PIEZO2: variants seen among roughly 807,000 people sequenced by gnomAD.
The protein encoded by PIEZO2 is piezo type mechanosensitive ion channel component 2, also known as piezo-type mechanosensitive ion channel component 2.
A neutral mutation model predicts 337.3 loss-of-function variants in PIEZO2; 172 were observed. The ratio of observed to expected loss-of-function variants is 0.51; its 90% CI spans 0.45 to 0.58. PIEZO2 has a LOEUF of 0.58. Among genes scored for constraint, PIEZO2 ranks in the 20% least tolerant of loss-of-function variants. The pLI, the probability that PIEZO2 is intolerant of heterozygous loss-of-function variation, is 0.00. For synonymous variants in PIEZO2, 1,251 were observed against 1,228.5 expected (o/e 1.02, Z -0.38); for missense variants, 3,028 against 3,391.3 (o/e 0.89, Z 2.66).
intron 36 of PIEZO2, among the ~76,000 whole-genome samples, chr18:10,729,719 G>C (rs1001065354): frequency 3.3e-5 from 5 of 151,760 alleles, no homozygotes; most frequent in Non-Finnish European, 7.4e-5. Context: ...AGTAACGACT[G>C]TTACTAATGA....
At chr18:10,762,147 T>TG (rs1463923159) in intron 23 of PIEZO2, among the ~76,000 whole-genome samples, 2 of 152,228 alleles carry the variant, frequency 1.3e-5, no homozygotes, top group Non-Finnish European at 2.9e-5. Context: ...GATCATACTA[T>TG]GCACAGTGTT....
At chr18:10,879,919 T>G (rs902245031) in intron 4 of PIEZO2, among the ~76,000 whole-genome samples, 11 of 152,174 alleles carry the variant, frequency 7.2e-5, no homozygotes, top group African/African-American at 2.7e-4. Context: ...GTGTATATCA[T>G]AATGGTGAAA....
At chr18:10,883,794 C>G (rs1369343513) in intron 4 of PIEZO2, among the ~76,000 whole-genome samples, 2 of 145,784 alleles carry the variant, frequency 1.4e-5, no homozygotes, top group Admixed American at 6.9e-5. Flanking sequence ...ATCAGTTTAC[C>G]CTGTTTCTAT....
rs936811005 is a variant in PIEZO2 at position 10,801,127 on chromosome 18, C to T, written c.1239+263G>A. On this transcript the variant is annotated intron_variant, in intron 10 of 55. Transcript: ENST00000674853. Reference sequence around the variant, plus strand: ...TATGTGCGCCCATGGGCATGCAAAACTTCCTACTTACGAATTAGGCATAGC... The same window carrying T: ...TATGTGCGCCCATGGGCATGCAAAATTTCCTACTTACGAATTAGGCATAGC... 2.0e-5 allele frequency among the ~76,000 whole-genome samples: 3 copies of T among 152,346 alleles called. No individual in the cohort carries two copies. The East Asian group carries it at 5.8e-4, about 29-fold the overall frequency.
chr18:10,864,807 T>TAAA, intron 5 of PIEZO2, among the ~76,000 whole-genome samples: 1 of 151,534 alleles, frequency 6.6e-6, no homozygotes, highest in East Asian at 1.9e-4. Context: ...GAGAAGAACA[T>TAAA]CTGTGCAAGA....
chr18:10,939,227 T>C (rs2032580022), intron 3 of PIEZO2, among the ~76,000 whole-genome samples: 1 of 152,210 alleles, frequency 6.6e-6, no homozygotes, highest in Non-Finnish European at 1.5e-5. Context: ...GCCAATAGAA[T>C]AGCTGGAACT....
At chr18:11,008,970 C>T (rs2035806702) in intron 2 of PIEZO2, among the ~76,000 whole-genome samples, 1 of 152,326 alleles carries the variant, frequency 6.6e-6, no homozygotes, top group Middle Eastern at 3.4e-3. Context: ...ATAGGGGAAA[C>T]AGACGTAGGA....
At chr18:10,744,011 A>C in intron 31 of PIEZO2, 131 bp downstream of exon 31, 2 of 612,216 alleles carry the variant, frequency 3.3e-6, no homozygotes, top group Middle Eastern at 2.6e-4. Flanking sequence ...AGAATAAATA[A>C]ATAGGAAGTT....
At chr18:11,022,069 T>C (rs1396501152) in intron 2 of PIEZO2, among the ~76,000 whole-genome samples, 1 of 152,174 alleles carries the variant, frequency 6.6e-6, no homozygotes, top group Non-Finnish European at 1.5e-5. Flanking sequence ...CTGCCTACTC[T>C]CACTCAAACA....
intron 2 of PIEZO2, among the ~76,000 whole-genome samples, chr18:11,044,976 T>C (rs184784531): frequency 2.9e-4 from 41 of 142,424 alleles, no homozygotes; most frequent in African/African-American, 1.1e-3. Context: ...CACTAAGACC[T>C]CATTTCTAAA....
chr18:11,009,899 G>C lies in PIEZO2; in HGVS notation c.161-30239C>G, dbSNP rs1375284905. On this transcript the variant is annotated intron_variant, in intron 2 of 55. Coordinates refer to ENST00000674853, the MANE Select transcript of PIEZO2 (RefSeq NM_001378183.1). The surrounding 1 kb of genome is among the most constrained non-coding windows in gnomAD (Gnocchi z 4.6). ...GACAGCCATCTGCGAGCCAAAGAGAGAGGCCTCAGGAGAAACCAAGCCTCA... is the reference window on the plus strand; with the variant it reads ...GACAGCCATCTGCGAGCCAAAGAGACAGGCCTCAGGAGAAACCAAGCCTCA... 6.6e-6 allele frequency among the ~76,000 whole-genome samples: 1 copy of C among 152,128 alleles called. No homozygotes were observed. Among genetic ancestry groups the C allele is most frequent in the African/African-American group, 2.4e-5 (1 of 41,434 alleles).
At chr18:11,063,597 C>T (rs369121505) in intron 2 of PIEZO2, among the ~76,000 whole-genome samples, 1 of 152,132 alleles carries the variant, frequency 6.6e-6, no homozygotes, top group Non-Finnish European at 1.5e-5. Context: ...CAGAGGGCCA[C>T]GGAGCCATGC....
intron 7 of PIEZO2, among the ~76,000 whole-genome samples, chr18:10,829,610 T>C (rs2040782714): frequency 2.0e-5 from 3 of 152,024 alleles, no homozygotes; most frequent in Admixed American, 2.0e-4. Flanking sequence ...ACTTACAGAA[T>C]ATAAAAATCA....
At chr18:10,712,053 C>A (rs926355330) in intron 39 of PIEZO2, among the ~76,000 whole-genome samples, 2 of 152,226 alleles carry the variant, frequency 1.3e-5, no homozygotes, top group African/African-American at 4.8e-5. Flanking sequence ...TTCTTTCATC[C>A]TATCATTCTC....
intron 3 of PIEZO2, among the ~76,000 whole-genome samples, chr18:10,951,052 A>C (rs1168158588): frequency 1.3e-5 from 2 of 152,170 alleles, no homozygotes; most frequent in Non-Finnish European, 2.9e-5. Flanking sequence ...CATTGCTCCA[A>C]AAATGTAATT....
Position 10,789,371 on chromosome 18 carries a change from A to G in PIEZO2, c.1883-6T>C, listed in dbSNP as rs780777779. The G allele has an allele frequency of 5.2e-5, 79 of 1,532,926 alleles. No individual in the cohort carries two copies. In the African/African-American group the frequency reaches 9.2e-4, roughly 18 times the overall value. 95.0% of individuals were successfully genotyped at this position (1,532,926 alleles called of 1,614,324 possible). On this transcript the variant is annotated splice_region_variant and splice_polypyrimidine_tract_variant and intron_variant, in intron 14 of 55. Transcript: ENST00000674853. ...TATATCTTGAAGTTCCTCATCTTCA[A>G]ATAGAAAACTGTGCTGTTATACTTA...
rs530741931 is a variant in PIEZO2, at chr18:11,003,634, G to A, written c.161-23974C>T. On this transcript the variant is annotated intron_variant, in intron 2 of 55. Transcript: ENST00000674853. This position sits in a 1 kb window ranked among gnomAD's most constrained non-coding sequence, Gnocchi z 4.6. ...TCAGGGCACCAGGCGGGCATCAGGC[G>A]GGCACCAGCCCTAGCCAGTACACCG... 2.6e-5 allele frequency among the ~76,000 whole-genome samples: 4 copies of A among 152,274 alleles called. No individual in the cohort carries two copies. Among genetic ancestry groups the A allele is most frequent in the South Asian group, 2.1e-4 (1 of 4,812 alleles).
At chr18:10,955,088 C>T (rs983471967) in intron 3 of PIEZO2, among the ~76,000 whole-genome samples, 6 of 151,970 alleles carry the variant, frequency 3.9e-5, no homozygotes, top group Non-Finnish European at 5.9e-5. Context: ...AAAGGAAAGC[C>T]GAGAGAGATG....
At chr18:11,066,048 T>TAA in intron 2 of PIEZO2, 79 bp downstream of exon 2, 1 of 1,175,838 alleles carries the variant, frequency 8.5e-7, no homozygotes, top group South Asian at 1.4e-5. Flanking sequence ...TGCCATTAGA[T>TAA]AAAGGCCATC....
Sources: gnomAD v4.1 joint callset for allele counts (sites outside exome capture counted in the v4.1 genomes callset) on GRCh38, gnomAD v4.1.1 for gene constraint, Gnocchi (gnomAD v3.1) non-coding constraint, MANE v1.5 for transcripts, NCBI Gene and HGNC (gene_info 2026-07-23, HGNC 2026-07-21) for gene names.